ITPR1: variants seen among roughly 807,000 people sequenced by gnomAD.
ITPR1 encodes the protein inositol 1,4,5-trisphosphate receptor type 1, also known as inositol 1,4,5-trisphosphate-gated calcium channel ITPR1.
In ITPR1, 96 loss-of-function variants were observed where a neutral mutation model predicts 318.4. That is an observed-to-expected ratio of 0.30 (90% confidence interval 0.26 to 0.36). The LOEUF (loss-of-function observed/expected upper bound fraction) is 0.36. Among genes scored for constraint, ITPR1 ranks in the 10% least tolerant of loss-of-function variants. The pLI, the probability that ITPR1 is intolerant of heterozygous loss-of-function variation, is 1.00. For synonymous variants in ITPR1, 1,312 were observed against 1,289.9 expected (o/e 1.02, Z -0.37); for missense variants, 2,440 against 3,460.2 (o/e 0.71, Z 7.40).
At chr3:4,827,808 G>T (rs895678512) in intron 60 of ITPR1, among the ~76,000 whole-genome samples, 2 of 152,174 alleles carry the variant, frequency 1.3e-5, no homozygotes, top group Non-Finnish European at 2.9e-5. Flanking sequence ...TTTGGAAAGG[G>T]TTAAGGAATT....
At chr3:4,676,050 A>G (rs142847422) in intron 23 of ITPR1, among the ~76,000 whole-genome samples, 40 of 152,280 alleles carry the variant, frequency 2.6e-4, no homozygotes, top group African/African-American at 8.2e-4. Context: ...TTGATGATCA[A>G]TAAAATTTGG....
In ITPR1 at chr3:4,777,281, T is replaced by C; in HGVS notation, c.6198T>C (p.His2066=). The change falls in exon 48 of 62, where the codon CAT becomes CAC. Residue 2066 remains histidine, a synonymous_variant. Transcript: ENST00000649015. ...TTGCTCAGAACTGCATAGCCACCCA[T>C]GAATCCAATGGCATTGACATCATCA... The part of the protein sequence containing the change: ...CHENQNCIAT[H]ESNGIDIITA... 2 of 1,603,148 alleles carry C rather than the reference T, an allele frequency of 1.2e-6. No homozygotes were observed. The highest frequency in any genetic ancestry group is 1.7e-6 in the Non-Finnish European group (2 of 1,174,088).
At chr3:4,792,003 G>T (rs542348040) in intron 52 of ITPR1, among the ~76,000 whole-genome samples, 1 of 152,176 alleles carries the variant, frequency 6.6e-6, no homozygotes, top group Admixed American at 6.5e-5. Context: ...TAATACCAAC[G>T]TGTTGATAGG....
intron 43 of ITPR1, among the ~76,000 whole-genome samples, chr3:4,733,771 C>A (rs902808132): frequency 6.6e-6 from 1 of 152,118 alleles, no homozygotes; most frequent in African/African-American, 2.4e-5. Flanking sequence ...AATTCTAATG[C>A]CCATGCTGTG....
intron 4 of ITPR1, among the ~76,000 whole-genome samples, chr3:4,570,964 G>A (rs1277017596): frequency 2.0e-5 from 3 of 152,208 alleles, no homozygotes; most frequent in Non-Finnish European, 2.9e-5. Flanking sequence ...GTGCCTGAGG[G>A]TTGGCTTGCT....
intron 60 of ITPR1, among the ~76,000 whole-genome samples, chr3:4,834,700 T>C (rs2050767705): frequency 6.6e-6 from 1 of 152,034 alleles, no homozygotes; most frequent in African/African-American, 2.4e-5. Context: ...GAGAGATGAG[T>C]ACAGTCAACG....
intron 46 of ITPR1, among the ~76,000 whole-genome samples, chr3:4,772,399 C>T (rs900965563): frequency 3.3e-5 from 5 of 152,258 alleles, no homozygotes; most frequent in Admixed American, 6.5e-5. Context: ...GGTAAATGTT[C>T]AGAAGAGATA....
At chr3:4,579,153 T>A (rs905105875) in intron 4 of ITPR1, among the ~76,000 whole-genome samples, 3 of 152,196 alleles carry the variant, frequency 2.0e-5, no homozygotes, top group Non-Finnish European at 4.4e-5. Context: ...TGTGTGACAT[T>A]GAGAAGATTA....
At position 4,697,186 on chromosome 3, in the gene ITPR1, G is replaced by C; in HGVS notation, c.4321G>C (p.Val1441Leu). The C allele has an allele frequency of 6.2e-7, 1 of 1,607,958 alleles. No individual in the cohort carries two copies. Among genetic ancestry groups the C allele is most frequent in the Non-Finnish European group, 8.5e-7 (1 of 1,176,618 alleles). The part of the protein sequence containing the change: ...AYINFLNHCY[V>L]DTEVEMKEIY... ...CATTAACTTCCTGAATCACTGCTAT[G>C]TGGATACAGAGGTGGAAATGAAGGA... The change falls in exon 34 of 62, where the codon GTG (valine) becomes CTG (leucine). Residue 1441 changes from valine (V) to leucine (L), a missense_variant. Val to Leu is a conservative substitution (Grantham distance 32). Transcript: ENST00000649015.
intron 4 of ITPR1, among the ~76,000 whole-genome samples, chr3:4,575,832 G>A (rs995864158): frequency 2.0e-5 from 3 of 152,024 alleles, no homozygotes; most frequent in African/African-American, 7.2e-5. Flanking sequence ...ACAAGCCTGG[G>A]CAATATAGTG....
intron 4 of ITPR1, among the ~76,000 whole-genome samples, chr3:4,590,179 T>C (rs981179488): frequency 5.9e-4 from 78 of 132,528 alleles, no homozygotes; most frequent in African/African-American, 2.0e-3. Flanking sequence ...TCTTGCTTTT[T>C]TTTTTTTTTT....
At chr3:4,787,138 C>T (rs929221159) in intron 51 of ITPR1, among the ~76,000 whole-genome samples, 1 of 152,010 alleles carries the variant, frequency 6.6e-6, no homozygotes, top group Non-Finnish European at 1.5e-5. Context: ...AGGACAGACA[C>T]AGAACCATTC....
At chr3:4,751,843 C>T (rs1027087801) in intron 44 of ITPR1, among the ~76,000 whole-genome samples, 8 of 152,156 alleles carry the variant, frequency 5.3e-5, no homozygotes, top group Admixed American at 2.0e-4. Flanking sequence ...ACAGTGAAGG[C>T]GCCTCATGTA....
chr3:4,589,775 AT>A (rs201998298), intron 4 of ITPR1, among the ~76,000 whole-genome samples: 6 of 149,306 alleles, frequency 4.0e-5, no homozygotes, highest in African/African-American at 1.0e-4. Flanking sequence ...AAAAAAAAAA[AT>A]GCAAAACGAA....
chr3:4,757,013 A>C (rs540026404), intron 44 of ITPR1, among the ~76,000 whole-genome samples: 1 of 152,254 alleles, frequency 6.6e-6, no homozygotes, highest in Non-Finnish European at 1.5e-5. Flanking sequence ...TGATGCTGAC[A>C]TGGCAGGTGG....
At chr3:4,729,040 T>C (rs1231863576) in intron 42 of ITPR1, among the ~76,000 whole-genome samples, 7 of 151,816 alleles carry the variant, frequency 4.6e-5, no homozygotes, top group Admixed American at 2.6e-4. Flanking sequence ...GCCTGCCCTT[T>C]AGAATTGTCC....
intron 4 of ITPR1, among the ~76,000 whole-genome samples, chr3:4,600,638 C>T (rs1340252599): frequency 1.3e-5 from 2 of 151,986 alleles, no homozygotes; most frequent in Non-Finnish European, 2.9e-5. Flanking sequence ...AATGATAGTC[C>T]GTGGACTGTT....
chr3:4,569,837 G>A (rs1416458076), intron 4 of ITPR1, among the ~76,000 whole-genome samples: 4 of 152,200 alleles, frequency 2.6e-5, no homozygotes, highest in Admixed American at 2.6e-4. Context: ...GGTTTTTGAA[G>A]AGCAGTTGTT....
intron 56 of ITPR1, 44 bp downstream of exon 56, chr3:4,811,504 T>G (rs1010394466): frequency 6.7e-7 from 1 of 1,498,678 alleles, no homozygotes; most frequent in African/African-American, 1.4e-5. Context: ...AAAAGATTAT[T>G]TCCTGATTAT....
Sources: allele counts gnomAD v4.1 joint callset (sites outside exome capture counted in the v4.1 genomes callset), GRCh38; gene constraint gnomAD v4.1.1; transcripts MANE v1.5; gene names NCBI Gene and HGNC (gene_info 2026-07-23, HGNC 2026-07-21).